The following MYH14 variants were observed in gnomAD, a reference collection of about 807,000 sequenced individuals.
MYH14 encodes the protein myosin-14.
In MYH14, 123 loss-of-function variants were observed where a neutral mutation model predicts 255.5. The ratio of observed to expected loss-of-function variants is 0.48; its 90% confidence interval spans 0.42 to 0.56. The LOEUF (loss-of-function observed/expected upper bound fraction) is 0.56. Ranked by LOEUF, MYH14 falls within the 20% of genes least tolerant of loss-of-function variation. MYH14 has a pLI of 0.00. For synonymous variants in MYH14, 1,095 were observed against 1,161.2 expected, an observed-to-expected ratio of 0.94 and a Z score of 1.16; for missense variants, 2,423 against 2,802.3, an observed-to-expected ratio of 0.86 and a Z score of 3.06.
intron 37 of MYH14, 71 bp downstream of exon 37, chr19:50,292,460 G>A (rs2036112917): frequency 1.4e-6 from 2 of 1,386,142 alleles, no homozygotes; most frequent in South Asian, 2.9e-5. Flanking sequence ...TGAGGTCCCT[G>A]GATGTGAAGC....
rs2034958703 is a variant in MYH14, at chr19:50,263,356, T to C, written c.2630T>C (p.Met877Thr). 2 of 1,598,126 alleles carry C rather than the reference T, an allele frequency of 1.3e-6. No individual in the cohort carries two copies. Among genetic ancestry groups the C allele is most frequent in the African/African-American group, 1.3e-5 (1 of 74,478 alleles). ...RQQQQSALRV[M>T]QRNCAAYLKL... ...CAGCAGCAGAGCGCCCTGAGGGTGA[T>C]GCAGCGGAACTGCGCGGCCTACCTC... is the stretch of plus-strand genomic sequence containing the variant. The change falls in exon 22 of 43, where the codon ATG becomes ACG. Residue 877 changes from methionine (M) to threonine (T), a missense_variant. Met to Thr is a moderately conservative substitution (Grantham distance 81, BLOSUM62 -1). Transcript: ENST00000642316.
rs2035336521 is a variant in MYH14 at position 50,272,426 on chromosome 19, G to A, written c.3296-134G>A. On this transcript the variant is annotated intron_variant, in intron 26 of 42. Transcript: ENST00000642316. ...AGAGTCCCTGAGATAGATGGGGAAG[G>A]TGGGAGGAGGAGAAGGCGTTAAGGG... 9.9e-6 allele frequency: 9 copies of A among 904,918 alleles called. No homozygotes were observed. In the South Asian group the frequency reaches 1.3e-4, roughly 13 times the overall value. The allele number at this position is 904,918 out of a possible 1,614,324, so 56.1% of individuals were successfully genotyped here. A position where few individuals can be genotyped will look rare whatever the true frequency, so the allele number is the denominator to read the frequency against.
intron 36 of MYH14, among the ~76,000 whole-genome samples, chr19:50,291,307 G>GT (rs1568545679): frequency 4.0e-5 from 6 of 150,116 alleles, no homozygotes; most frequent in African/African-American, 1.5e-4. Flanking sequence ...TTGTTCAGTT[G>GT]GTTTTTTTTT....
intron 39 of MYH14, among the ~76,000 whole-genome samples, chr19:50,296,970 TTCTC>T (rs1007585160): frequency 6.0e-5 from 6 of 99,710 alleles, no homozygotes; most frequent in South Asian, 1.1e-3. Flanking sequence ...CAGGAATGTA[TTCTC>T]TCTGTTTTTT....
rs2034622720 is a variant in MYH14 at position 50,257,220 on chromosome 19, A to G, written c.2045-79A>G. On this transcript the variant is annotated intron_variant, in intron 17 of 42. Transcript: ENST00000642316. The stretch of plus-strand genomic sequence containing the variant: ...TAAAGTGCCAGTTGTGATAAATGAT[A>G]AGACCCTTGACCTTTGGCCCAGGTC... The G allele has an allele frequency of 2.5e-6, 3 of 1,203,596 alleles. No individual in the cohort carries two copies. The Admixed American group carries it at 7.6e-5, about 30-fold the overall frequency. The allele number at this position is 1,203,596 out of a possible 1,614,324, so 74.6% of individuals were successfully genotyped here.
At chr19:50,248,850 TTGA>T (rs922739143) in intron 12 of MYH14, 134 bp from the exon 13 acceptor site, 7 of 765,262 alleles carry the variant, frequency 9.1e-6, no homozygotes, top group Middle Eastern at 7.3e-4. Context: ...GGCATTGTTC[TTGA>T]TGGTACTTAC....
At position 50,309,058 on chromosome 19, in the gene MYH14, C is replaced by T. The variant is rs1392722696; in HGVS notation, c.5841C>T (p.Ala1947=). ...AGCTGAAGCGGCAGCTGGAGGAGGCCGAGGAGGAGGCATCCCGGGCTCAGG... is the reference window on the plus strand; with the variant it reads ...AGCTGAAGCGGCAGCTGGAGGAGGCTGAGGAGGAGGCATCCCGGGCTCAGG... ...VKQLKRQLEE[A]EEEASRAQAG... is the part of the protein sequence containing the mutation. The change falls in exon 42 of 43, where the codon GCC becomes GCT. Residue 1947 remains alanine (A), a synonymous_variant. Transcript: ENST00000642316. 40 of 1,613,608 alleles carry T rather than the reference C, an allele frequency of 2.5e-5. No homozygotes were observed. Among genetic ancestry groups the T allele is most frequent in the South Asian group, 5.5e-5 (5 of 91,082 alleles).
chr19:50,205,770 GA>G lies in MYH14; in HGVS notation c.-4+2100del, dbSNP rs538598784. On this transcript the variant is annotated intron_variant, in intron 1 of 42. Transcript: ENST00000642316. The stretch of plus-strand genomic sequence containing the variant: ...CTGCAGAGCTGGGGTCTTAGGGGAG[GA>G]GGGGGCTGCAAGCCCGGATTCTGGG... Among the ~76,000 whole-genome samples the G allele has an allele frequency of 4.6e-5, 7 of 152,310 alleles. No individual in the cohort carries two copies. The South Asian group carries it at 8.3e-4, about 18-fold the overall frequency.
chr19:50,247,212 T>TCAG, intron 12 of MYH14, 90 bp downstream of exon 12: 1 of 904,632 alleles, frequency 1.1e-6, no homozygotes, highest in Non-Finnish European at 1.8e-6. Context: ...TTCCCACCAC[T>TCAG]CAACAGACTT....
intron 13 of MYH14, 54 bp downstream of exon 13, chr19:50,249,193 C>A: frequency 1.3e-6 from 2 of 1,501,656 alleles, no homozygotes; most frequent in Non-Finnish European, 1.8e-6. Context: ...GGTCCTGGTC[C>A]TTTCTGAAGC....
intron 2 of MYH14, among the ~76,000 whole-genome samples, chr19:50,212,004 T>C (rs1190946983): frequency 3.3e-5 from 5 of 151,856 alleles, no homozygotes; most frequent in Non-Finnish European, 5.9e-5. Flanking sequence ...AACGAAACAA[T>C]ACAAAAACCC....
Position 50,281,760 on chromosome 19 carries a change from A to G in MYH14, c.4457A>G (p.Glu1486Gly). ...CGGGGCCGCCGCCGGCTGCAGCAGG[A>G]GCTGGACGACGCCACCATGGACCTG... ...LERGRRRLQQ[E>G]LDDATMDLEQ... The change falls in exon 33 of 43, where the codon GAG becomes GGG. Residue 1486 changes from glutamate (E) to glycine (G), a missense_variant. Coordinates refer to ENST00000642316, the MANE Select transcript of MYH14 (RefSeq NM_001145809.2). The G allele has an allele frequency of 6.2e-7, 1 of 1,612,472 alleles. No individual in the cohort carries two copies. The highest frequency in any genetic ancestry group is 8.5e-7 in the Non-Finnish European group (1 of 1,179,734).
At chr19:50,218,467 G>A (rs1465377202) in intron 3 of MYH14, among the ~76,000 whole-genome samples, 5 of 151,684 alleles carry the variant, frequency 3.3e-5, no homozygotes, top group African/African-American at 9.7e-5. Flanking sequence ...GCCTGGTGGC[G>A]GGCACCTGTA....
intron 39 of MYH14, among the ~76,000 whole-genome samples, chr19:50,299,716 G>A (rs983793277): frequency 6.6e-5 from 10 of 151,986 alleles, no homozygotes; most frequent in African/African-American, 2.4e-4. Context: ...AGACCGAGGT[G>A]GGTGGATCAC....
At chr19:50,301,409 G>A (rs570264875) in intron 39 of MYH14, among the ~76,000 whole-genome samples, 7 of 152,320 alleles carry the variant, frequency 4.6e-5, no homozygotes, top group African/African-American at 1.4e-4. Flanking sequence ...TGATGGTCTC[G>A]TGGACTTATT....
intron 39 of MYH14, among the ~76,000 whole-genome samples, chr19:50,295,005 GTTT>G (rs1195396880): frequency 7.0e-6 from 1 of 143,088 alleles, no homozygotes; most frequent in African/African-American, 2.6e-5. Flanking sequence ...AAGAGATTAA[GTTT>G]TTTTTTTTTT....
At chr19:50,249,573 C>T (rs1303573334) in intron 13 of MYH14, 77 bp from the exon 14 acceptor site, 2 of 1,577,756 alleles carry the variant, frequency 1.3e-6, no homozygotes, top group Non-Finnish European at 8.7e-7. Context: ...TGTCCCCTGT[C>T]TCTGGGTCTC....
chr19:50,253,043 G>T lies in MYH14; in HGVS notation c.1945+290G>T, dbSNP rs686912. ...CCCACTAACACTACTGTTAAACATC[G>T]TTTTTTTAGCAATACTAGCCTATGC... is the stretch of plus-strand genomic sequence containing the variant. On this transcript the variant is annotated intron_variant, in intron 16 of 42. Coordinates refer to ENST00000642316, the MANE Select transcript of MYH14 (RefSeq NM_001145809.2). 0.14 allele frequency among the ~76,000 whole-genome samples: 21,626 copies of T among 152,118 alleles called. 1,724 individuals carry two copies. Among genetic ancestry groups the T allele is most frequent in the African/African-American group, 0.17 (7,036 of 41,498 alleles).
At chr19:50,228,825 G>A (rs1360591678) in intron 8 of MYH14, among the ~76,000 whole-genome samples, 2 of 152,188 alleles carry the variant, frequency 1.3e-5, no homozygotes, top group African/African-American at 2.4e-5. Context: ...GGTCCCGGCT[G>A]TCTCAGGCAC....
Sources: gnomAD v4.1 joint callset for allele counts (sites outside exome capture counted in the v4.1 genomes callset) on GRCh38, gnomAD v4.1.1 for gene constraint, MANE v1.5 for transcripts, NCBI Gene and HGNC (gene_info 2026-07-23, HGNC 2026-07-21) for gene names.